CFAP46: variants seen among roughly 807,000 people sequenced by gnomAD.
CFAP46 encodes the protein cilia- and flagella-associated protein 46.
A neutral mutation model predicts 325.7 loss-of-function variants in CFAP46; 245 were observed. The ratio of observed to expected loss-of-function variants is 0.75; its 90% CI spans 0.68 to 0.84. The LOEUF is 0.84. Ranked by LOEUF, CFAP46 falls within the 40% of genes least tolerant of loss-of-function variation. The pLI is 0.00. For missense variants in CFAP46, 3,346 were observed against 3,543.0 expected, an observed-to-expected ratio of 0.94 and a Z score of 1.41; for synonymous variants, 1,523 against 1,495.9, an observed-to-expected ratio of 1.02 and a Z score of -0.42.
intron 56 of CFAP46, chr10:132,810,732 C>T (rs1375610866): frequency 1.4e-6 from 1 of 724,326 alleles, no homozygotes; most frequent in Non-Finnish European, 2.5e-6. Context: ...CTGTGGGGAC[C>T]CGGCTCCCGT....
chr10:132,858,687 A>C (rs1848682372), intron 38 of CFAP46, among the ~76,000 whole-genome samples: 2 of 151,228 alleles, frequency 1.3e-5, no homozygotes, highest in African/African-American at 4.9e-5. Context: ...TGCACGTGTG[A>C]CCTGGGCCTG....
intron 35 of CFAP46, among the ~76,000 whole-genome samples, chr10:132,863,610 C>A (rs1848755125): frequency 6.6e-6 from 1 of 151,012 alleles, no homozygotes; most frequent in Non-Finnish European, 1.5e-5. Flanking sequence ...CAAACCTGTC[C>A]CTGCTATCAG....
At chr10:132,925,378 C>T (rs139351530) in intron 10 of CFAP46, among the ~76,000 whole-genome samples, 6,055 of 152,360 alleles carry the variant, frequency 0.04, 167 homozygotes, top group South Asian at 0.065. Context: ...GTGGCTTCCA[C>T]GGGGGCCTAG....
Position 132,808,588 on chromosome 10 carries a change from C to A in CFAP46, c.7981G>T (p.Ala2661Ser), listed in dbSNP as rs950894082. 1.9e-6 allele frequency: 3 copies of A among 1,612,618 alleles called. No individual in the cohort carries two copies. In the East Asian group the frequency reaches 6.7e-5, roughly 36 times the overall value. Reference protein sequence around the residue: ...PPPATSRKAAAWTSSSACLCA... With the variant: ...PPPATSRKAASWTSSSACLCA... ...AGGCAGGCAGAGCTCGAGGTCCAGGCGGCTGCCTTGCGGGAAGTCGCTGGG... is the reference window on the plus strand; with the variant it reads ...AGGCAGGCAGAGCTCGAGGTCCAGGAGGCTGCCTTGCGGGAAGTCGCTGGG... The change falls in exon 58 of 58, where the codon GCC (alanine) becomes TCC (serine). Residue 2661 changes from alanine (A) to serine (S), a missense_variant. Ala to Ser is a moderately conservative substitution (Grantham distance 99, BLOSUM62 1). Transcript: ENST00000368586. The surrounding 1 kb of genome is among the most constrained non-coding windows in gnomAD (Gnocchi z 6.8).
At position 132,846,985 on chromosome 10, in the gene CFAP46, A is replaced by C; in HGVS notation, c.6214T>G (p.Cys2072Gly). ...AAAASLEMVE[C>G]VGTLDPATTC... The stretch of plus-strand genomic sequence containing the variant: ...GTTGCAGGGTCCAGGGTGCCGACAC[A>C]CTCCACCATCTCCAGGCTGGCGGCT... The change falls in exon 43 of 58, where the codon TGT (cysteine) becomes GGT (glycine). Residue 2072 changes from cysteine (C) to glycine (G), a missense_variant. Physicochemically the swap from Cys to Gly is radical, Grantham distance 159. Transcript: ENST00000368586. 1 of 1,610,896 alleles carries C rather than the reference A, an allele frequency of 6.2e-7. No homozygotes were observed. The highest frequency in any genetic ancestry group is 2.2e-4 in the Middle Eastern group (1 of 4,630).
At chr10:132,811,617 G>C (rs933341338) in intron 55 of CFAP46, among the ~76,000 whole-genome samples, 2 of 152,238 alleles carry the variant, frequency 1.3e-5, no homozygotes, top group Admixed American at 1.3e-4. Flanking sequence ...TCCACTCGCA[G>C]CCTGGCCGTT....
chr10:132,938,848 C>T (rs1850055555), intron 4 of CFAP46, 95 bp from the exon 5 acceptor site: 5 of 1,198,886 alleles, frequency 4.2e-6, no homozygotes, highest in Non-Finnish European at 4.7e-6. Flanking sequence ...GAGCCCCTCC[C>T]AGGAGGGGCC....
intron 25 of CFAP46, among the ~76,000 whole-genome samples, chr10:132,892,032 C>T (rs1849260993): frequency 6.6e-6 from 1 of 152,182 alleles, no homozygotes; most frequent in South Asian, 2.1e-4. Context: ...GGTCATGCTC[C>T]TCACACGTGG....
At chr10:132,863,467 A>T (rs944985570) in intron 35 of CFAP46, among the ~76,000 whole-genome samples, 3 of 151,894 alleles carry the variant, frequency 2.0e-5, no homozygotes, top group Non-Finnish European at 4.4e-5. Context: ...CTCCCTTTTG[A>T]CCCTGGTGTG....
intron 44 of CFAP46, 114 bp downstream of exon 44, chr10:132,845,943 G>A: frequency 1.7e-6 from 2 of 1,194,028 alleles, no homozygotes; most frequent in Non-Finnish European, 1.2e-6. Flanking sequence ...GATGGCTCAT[G>A]AGCTGGGGGG....
chr10:132,882,022 G>T (rs558719809), intron 27 of CFAP46, among the ~76,000 whole-genome samples: 12 of 151,262 alleles, frequency 7.9e-5, no homozygotes, highest in Non-Finnish European at 1.6e-4. Context: ...GGGATGTAAG[G>T]GGTGTGTGGT....
chr10:132,822,013 GA>G (rs1315202370), intron 50 of CFAP46, among the ~76,000 whole-genome samples: 31 of 125,412 alleles, frequency 2.5e-4, no homozygotes, highest in South Asian at 8.2e-4. Context: ...TGTGTGTGCT[GA>G]TGTGTGCTGT....
rs780106047 is a variant in CFAP46 at position 132,918,428 on chromosome 10, G to C, written c.1951C>G (p.Arg651Gly). The change falls in exon 16 of 58, where the codon CGG becomes GGG. Residue 651 changes from arginine to glycine, a missense_variant. By Grantham distance (125) the Arg-to-Gly change is moderately radical (BLOSUM62 -2). Coordinates refer to ENST00000368586, the MANE Select transcript of CFAP46 (RefSeq NM_001200049.3). ...ATGAACCCCACCTCCGCGAACTTCC[G>C]CAGCAGGTCGGGGCACACCTGCCTC... ...LQRQVCPDLL[R>G]KFAEVGFIHA... 3.9e-6 allele frequency: 6 copies of C among 1,548,940 alleles called. No individual in the cohort carries two copies. The highest frequency in any genetic ancestry group is 5.2e-6 in the Non-Finnish European group (6 of 1,146,036).
intron 50 of CFAP46, among the ~76,000 whole-genome samples, chr10:132,824,887 A>G (rs1476661342): frequency 1.9e-5 from 2 of 107,764 alleles, no homozygotes; most frequent in Non-Finnish European, 3.6e-5. Flanking sequence ...GTGTGCAGTG[A>G]TGTGTGCTGT....
Position 132,917,524 on chromosome 10 carries a change from G to A in CFAP46, c.1987-842C>T, listed in dbSNP as rs552811075. On this transcript the variant is annotated intron_variant, in intron 16 of 57. Transcript: ENST00000368586. ...CCATCACAGGGACCCTGGACATCAC[G>A]CCACATTCAATGCGCTTCTGCAGCA... Among the ~76,000 whole-genome samples, 149 of 152,336 alleles carry A rather than the reference G, an allele frequency of 9.8e-4. 1 individual carries two copies. The highest frequency in any genetic ancestry group is 1.7e-3 in the Non-Finnish European group (118 of 68,022).
chr10:132,820,653 G>GCA (rs1230967606), intron 50 of CFAP46, among the ~76,000 whole-genome samples: 5 of 142,334 alleles, frequency 3.5e-5, no homozygotes, highest in African/African-American at 1.3e-4. Flanking sequence ...TGCTGTGAGT[G>GCA]CTGATGTGTG....
At chr10:132,907,958 C>G (rs1849480383) in intron 22 of CFAP46, among the ~76,000 whole-genome samples, 1 of 152,264 alleles carries the variant, frequency 6.6e-6, no homozygotes, top group South Asian at 2.1e-4. Context: ...CAGGAACCAT[C>G]TGGGGTGGGA....
In CFAP46 at chr10:132,817,971, CCTT is replaced by C. The variant is rs1341798616; in HGVS notation, c.7118-3060_7118-3058del. ...CCGTCGGCAGCGCAGCCCCCAGGCT[CCTT>C]CTCCTGCTTCTCTTGTGTGAGGGCT... On this transcript the variant is annotated intron_variant, in intron 50 of 57. Coordinates refer to ENST00000368586, the MANE Select transcript of CFAP46 (RefSeq NM_001200049.3). The surrounding 1 kb of genome is among the most constrained non-coding windows in gnomAD (Gnocchi z 4.4). Among the ~76,000 whole-genome samples, 1 of 152,228 alleles carries C rather than the reference CCTT, an allele frequency of 6.6e-6. No homozygotes were observed. The highest frequency in any genetic ancestry group is 3.2e-3 in the Middle Eastern group (1 of 316).
At chr10:132,821,790 G>A (rs1180924243) in intron 50 of CFAP46, among the ~76,000 whole-genome samples, 1 of 144,438 alleles carries the variant, frequency 6.9e-6, no homozygotes, top group Non-Finnish European at 1.5e-5. Context: ...GTGCTGATGT[G>A]TGCTGTGTGT....
Sources: gnomAD v4.1 joint callset for allele counts (sites outside exome capture counted in the v4.1 genomes callset) on GRCh38, gnomAD v4.1.1 for gene constraint, Gnocchi (gnomAD v3.1) non-coding constraint, MANE v1.5 for transcripts, NCBI Gene and HGNC (gene_info 2026-07-23, HGNC 2026-07-21) for gene names.